The following CACNG2 variants were observed in gnomAD, a reference collection of about 807,000 sequenced individuals.
CACNG2 encodes the protein voltage-dependent calcium channel gamma-2 subunit.
CACNG2 carries 3 observed loss-of-function variants against 25.9 expected under a neutral mutation model. The observed-to-expected ratio is 0.12, with a 90% CI of 0.05 to 0.30. The LOEUF is 0.30. CACNG2 is among the 10% of genes least tolerant of loss of function. The pLI is 1.00. For missense variants in CACNG2, 341 were observed against 432.5 expected (o/e 0.79, Z 1.88); for synonymous variants, 167 against 173.3 (o/e 0.96, Z 0.29).
At chr22:36,570,381 C>A (rs1214341502) in intron 2 of CACNG2, among the ~76,000 whole-genome samples, 1 of 152,150 alleles carries the variant, frequency 6.6e-6, no homozygotes, top group East Asian at 1.9e-4. Context: ...TGACCACCAG[C>A]GGGGAATACA....
At chr22:36,658,290 A>G (rs1367253118) in intron 1 of CACNG2, among the ~76,000 whole-genome samples, 1 of 152,212 alleles carries the variant, frequency 6.6e-6, no homozygotes, top group African/African-American at 2.4e-5. Context: ...ACTTTAGATC[A>G]AGACAAGAAT....
At chr22:36,601,845 TG>T (rs1235636929) in intron 1 of CACNG2, among the ~76,000 whole-genome samples, 2 of 152,280 alleles carry the variant, frequency 1.3e-5, no homozygotes, top group African/African-American at 4.8e-5. Flanking sequence ...GAAGACATAT[TG>T]CTGGGTCATA....
At chr22:36,697,195 C>T (rs575949717) in intron 1 of CACNG2, among the ~76,000 whole-genome samples, 5 of 152,222 alleles carry the variant, frequency 3.3e-5, no homozygotes, top group East Asian at 3.9e-4. Flanking sequence ...TCACAGGGGG[C>T]GTGGACCAGG....
intron 1 of CACNG2, among the ~76,000 whole-genome samples, chr22:36,636,822 G>A (rs557379956): frequency 2.4e-4 from 37 of 152,322 alleles, no homozygotes; most frequent in Non-Finnish European, 4.0e-4. Flanking sequence ...GCCCTGTGGC[G>A]GTGTAGGCAG....
At chr22:36,630,233 G>A (rs1936247689) in intron 1 of CACNG2, among the ~76,000 whole-genome samples, 1 of 152,190 alleles carries the variant, frequency 6.6e-6, no homozygotes, top group Non-Finnish European at 1.5e-5. Context: ...AGTTGGTCAG[G>A]TATTGTGGCA....
chr22:36,634,608 T>C (rs1936327001), intron 1 of CACNG2, among the ~76,000 whole-genome samples: 1 of 152,176 alleles, frequency 6.6e-6, no homozygotes, highest in African/African-American at 2.4e-5. Flanking sequence ...ATAGACTTTG[T>C]TTTTTGGAGC....
chr22:36,638,785 C>T (rs1331923315), intron 1 of CACNG2, among the ~76,000 whole-genome samples: 2 of 152,172 alleles, frequency 1.3e-5, no homozygotes, highest in Non-Finnish European at 2.9e-5. Flanking sequence ...ATATCCCCAG[C>T]GTTTCACACA....
intron 1 of CACNG2, among the ~76,000 whole-genome samples, chr22:36,601,073 C>T (rs1271288544): frequency 1.3e-5 from 2 of 152,174 alleles, no homozygotes; most frequent in Non-Finnish European, 2.9e-5. Flanking sequence ...CCATGTTGTA[C>T]ATTAGAGCTC....
At chr22:36,694,118 G>C (rs1490016668) in intron 1 of CACNG2, among the ~76,000 whole-genome samples, 2 of 152,222 alleles carry the variant, frequency 1.3e-5, no homozygotes, top group African/African-American at 4.8e-5. Flanking sequence ...GCATGCTGGA[G>C]AAATCCTCTG....
At chr22:36,680,694 C>CTG (rs1937107253) in intron 1 of CACNG2, among the ~76,000 whole-genome samples, 1 of 802 alleles carries the variant, frequency 1.2e-3, no homozygotes, top group African/African-American at 5.4e-3. Context: ...ACCACCACCA[C>CTG]CATCACCACT....
intron 1 of CACNG2, among the ~76,000 whole-genome samples, chr22:36,631,519 G>A (rs1936270895): frequency 6.6e-6 from 1 of 152,112 alleles, no homozygotes; most frequent in African/African-American, 2.4e-5. Context: ...GCATGAAGTG[G>A]TCCTGTGACC....
chr22:36,605,121 C>G (rs1935811786), intron 1 of CACNG2, among the ~76,000 whole-genome samples: 1 of 151,990 alleles, frequency 6.6e-6, no homozygotes, highest in African/African-American at 2.4e-5. Flanking sequence ...TTTGCCTAGG[C>G]TGGAGTGCAG....
chr22:36,565,277 C>A (rs769866580), intron 3 of CACNG2, among the ~76,000 whole-genome samples: 11 of 152,224 alleles, frequency 7.2e-5, no homozygotes, highest in Non-Finnish European at 1.3e-4. Context: ...TTGCTTAAGG[C>A]TGCACAGGGC....
chr22:36,576,689 C>T (rs1025025699), intron 2 of CACNG2, among the ~76,000 whole-genome samples: 2 of 152,002 alleles, frequency 1.3e-5, no homozygotes, highest in African/African-American at 4.8e-5. Context: ...AGAAGTCAAA[C>T]GCTATGGTTT....
chr22:36,663,682 C>T (rs577377342), intron 1 of CACNG2, among the ~76,000 whole-genome samples: 3 of 152,276 alleles, frequency 2.0e-5, no homozygotes, highest in East Asian at 3.9e-4. Context: ...TTGCAGCGCT[C>T]GCAGAGTCCT....
chr22:36,673,297 G>A (rs372498529), intron 1 of CACNG2, among the ~76,000 whole-genome samples: 5 of 152,224 alleles, frequency 3.3e-5, no homozygotes, highest in East Asian at 1.9e-4. Context: ...ACAGCAAGGC[G>A]GGAAATGGGT....
At chr22:36,623,434 C>G (rs1936138449) in intron 1 of CACNG2, among the ~76,000 whole-genome samples, 1 of 152,216 alleles carries the variant, frequency 6.6e-6, no homozygotes, top group African/African-American at 2.4e-5. Flanking sequence ...ACTAAAACCA[C>G]AGCTCTGCCC....
chr22:36,678,566 C>G (rs1362916411), intron 1 of CACNG2, among the ~76,000 whole-genome samples: 1 of 152,018 alleles, frequency 6.6e-6, no homozygotes, highest in Non-Finnish European at 1.5e-5. Flanking sequence ...ATTCTCTCAT[C>G]ATTTCCACAA....
chr22:36,695,993 T>C (rs1937335312), intron 1 of CACNG2, among the ~76,000 whole-genome samples: 1 of 152,218 alleles, frequency 6.6e-6, no homozygotes, highest in South Asian at 2.1e-4. Context: ...CGTTTGAATA[T>C]GGGTTTTTGA....
Sources: allele counts gnomAD v4.1 joint callset (sites outside exome capture counted in the v4.1 genomes callset), GRCh38; gene constraint gnomAD v4.1.1; transcripts MANE v1.5; gene names NCBI Gene and HGNC (gene_info 2026-07-23, HGNC 2026-07-21).